The following CCDC159 variants were observed in gnomAD, a reference collection of about 807,000 sequenced individuals.
CCDC159 encodes the protein coiled-coil domain-containing protein 159.
A neutral mutation model predicts 50.9 loss-of-function variants in CCDC159; 40 were observed. The ratio of observed to expected loss-of-function variants is 0.79; its 90% CI spans 0.61 to 1.02. The LOEUF (loss-of-function observed/expected upper bound fraction) is 1.02, where lower values mean the gene tolerates loss of function less well. Among genes scored for constraint, CCDC159 ranks in the 50% least tolerant of loss-of-function variants. The pLI is 0.00. For synonymous variants in CCDC159, 146 were observed against 138.9 expected (o/e 1.05, Z -0.36); for missense variants, 356 against 371.5 (o/e 0.96, Z 0.34).
At chr19:11,349,272 G>A (rs1003004280) in intron 1 of CCDC159, 25 of 948,880 alleles carry the variant, frequency 2.6e-5, no homozygotes, top group Admixed American at 1.4e-4. Flanking sequence ...GGAAGGGGCT[G>A]TAAGGCAGAG....
chr19:11,352,182 TG>T, intron 7 of CCDC159, 49 bp downstream of exon 7: 1 of 1,561,056 alleles, frequency 6.4e-7, no homozygotes. Flanking sequence ...GAGGGAGGGA[TG>T]GGGATTTTGG....
intron 9 of CCDC159, 86 bp from the exon 10 acceptor site, chr19:11,354,494 T>C: frequency 8.2e-7 from 1 of 1,217,314 alleles, no homozygotes; most frequent in Non-Finnish European, 1.1e-6. Context: ...GGTTTAAGTA[T>C]CAATGAGGTA....
chr19:11,351,675 G>T, intron 5 of CCDC159: 1 of 481,806 alleles, frequency 2.1e-6, no homozygotes, highest in Non-Finnish European at 3.7e-6. Flanking sequence ...GGAGGTGGAG[G>T]CCAGGTGATA....
chr19:11,347,906 G>C (rs956405375), intron 1 of CCDC159, among the ~76,000 whole-genome samples: 2 of 152,176 alleles, frequency 1.3e-5, no homozygotes, highest in African/African-American at 4.8e-5. Context: ...GCACGGGTCT[G>C]GGCCCCAATT....
chr19:11,348,769 C>T (rs1967406863), intron 1 of CCDC159: 1 of 520,486 alleles, frequency 1.9e-6, no homozygotes. Flanking sequence ...TTTGGCCGGC[C>T]TACCCCGGGA....
intron 8 of CCDC159, 38 bp from the exon 9 acceptor site, chr19:11,353,754 G>T (rs1267770723): frequency 6.4e-7 from 1 of 1,563,024 alleles, no homozygotes; most frequent in South Asian, 1.2e-5. Flanking sequence ...GAGCAGTGTG[G>T]AGTCTCCCAG....
At chr19:11,352,529 C>T (rs78153179) in intron 7 of CCDC159, 12,529 of 197,268 alleles carry the variant, frequency 0.064, 836 homozygotes, top group African/African-American at 0.18. Flanking sequence ...TGGCTTGAAC[C>T]TAGGAGGCAG....
chr19:11,352,513 G>A (rs1967639830), intron 7 of CCDC159: 1 of 224,376 alleles, frequency 4.5e-6, no homozygotes, highest in Non-Finnish European at 9.0e-6. Context: ...GACTGAGGAT[G>A]GAGAATGGCT....
intron 7 of CCDC159, chr19:11,352,346 T>C: frequency 1.7e-6 from 1 of 572,228 alleles, no homozygotes; most frequent in Non-Finnish European, 3.1e-6. Flanking sequence ...CTGGGCGCGG[T>C]GGCTCACGCC....
chr19:11,353,685 C>T, intron 8 of CCDC159, 107 bp from the exon 9 acceptor site: 9 of 1,548,380 alleles, frequency 5.8e-6, no homozygotes, highest in Non-Finnish European at 7.0e-6. Context: ...ACTTCCCTCA[C>T]CCCCTAGGAC....
intron 5 of CCDC159, 94 bp downstream of exon 5, chr19:11,351,097 C>T: frequency 1.6e-6 from 2 of 1,218,190 alleles, no homozygotes; most frequent in South Asian, 1.6e-5. Flanking sequence ...ATGGCAGATG[C>T]CTGGGGGAGG....
rs754582170 is a variant in CCDC159, at chr19:11,349,647, T to G, written c.22-7T>G. The G allele has an allele frequency of 2.3e-5, 37 of 1,613,192 alleles. No homozygotes were observed. Among genetic ancestry groups the G allele is most frequent in the African/African-American group, 5.3e-5 (4 of 74,894 alleles). ...ATTTCTACTCCCATCTCATCTCTCT[T>G]CCTTAGAAGCCCTTGGAGACCAGCT... On this transcript the variant is annotated splice_polypyrimidine_tract_variant and splice_region_variant and intron_variant, in intron 1 of 10. Coordinates refer to ENST00000458408, the MANE Select transcript of CCDC159 (RefSeq NM_001080503.3).
In CCDC159 at chr19:11,349,570, G is replaced by A. The variant is rs908812275; in HGVS notation, c.22-84G>A. On this transcript the variant is annotated intron_variant, in intron 1 of 10. Coordinates refer to ENST00000458408, the MANE Select transcript of CCDC159 (RefSeq NM_001080503.3). ...CTAGAACTGAGGAGATCCAACTCTT[G>A]TCCAGCCCTCAAAACTGGGTTGAGG... 3.8e-6 allele frequency: 6 copies of A among 1,571,798 alleles called. No homozygotes were observed. The African/African-American group carries it at 6.8e-5, about 18-fold the overall frequency.
chr19:11,350,148 A>C lies in CCDC159; in HGVS notation c.175A>C (p.Met59Leu). The change falls in exon 4 of 11, where the codon ATG becomes CTG. Residue 59 changes from methionine (M) to leucine (L), a missense_variant. Transcript: ENST00000458408. Reference sequence around the variant, plus strand: ...CGAGTTCCTGAACCACTCAGTGACCATGTTGGAGAAGGAGAGCTGCTTGCA... The same window carrying C: ...CGAGTTCCTGAACCACTCAGTGACCCTGTTGGAGAAGGAGAGCTGCTTGCA... ...AFEFLNHSVTMLEKESCLQQI... is the reference protein window; with the variant it reads ...AFEFLNHSVTLLEKESCLQQI... 6.2e-7 allele frequency: 1 copy of C among 1,613,316 alleles called. No individual in the cohort carries two copies. Among genetic ancestry groups the C allele is most frequent in the Non-Finnish European group, 8.5e-7 (1 of 1,179,700 alleles).
chr19:11,353,647 C>G, intron 8 of CCDC159, 75 bp downstream of exon 8: 1 of 1,598,578 alleles, frequency 6.3e-7, no homozygotes, highest in Non-Finnish European at 8.5e-7. Flanking sequence ...GCAGTGACCA[C>G]CAGAACCTGG....
chr19:11,348,739 C>T (rs757641839), intron 1 of CCDC159: 9 of 496,898 alleles, frequency 1.8e-5, no homozygotes, highest in South Asian at 1.3e-4. Context: ...CCCCTGCTTC[C>T]CTACTCACAG....
rs892408132 is a variant in CCDC159 at position 11,349,781 on chromosome 19, G to C, written c.55+94G>C. On this transcript the variant is annotated intron_variant, in intron 2 of 10. Coordinates refer to ENST00000458408, the MANE Select transcript of CCDC159 (RefSeq NM_001080503.3). ...CCAGCATCAGCTGTCCCCCTGCCAT[G>C]GTCACCCATTCACTCCTGCCCAAGG... The C allele has an allele frequency of 1.8e-5, 22 of 1,225,776 alleles. No individual in the cohort carries two copies. In the African/African-American group the frequency reaches 2.8e-4, roughly 16 times the overall value. The allele number at this position is 1,225,776 out of a possible 1,614,324, so 75.9% of individuals were successfully genotyped here.
At chr19:11,353,082 A>G (rs929766219) in intron 7 of CCDC159, among the ~76,000 whole-genome samples, 5 of 151,954 alleles carry the variant, frequency 3.3e-5, no homozygotes, top group Non-Finnish European at 5.9e-5. Context: ...ACCTTTTACT[A>G]TTATCATTAT....
rs996373823 is a variant in CCDC159 at position 11,351,993 on chromosome 19, A to G, written c.490+20A>G. ...AGCTCCGTGAGTTCCTGGAGCCCAC[A>G]GCCGGTGTGTGGGGAGGGGGTCCTT... On this transcript the variant is annotated intron_variant, in intron 6 of 10. Transcript: ENST00000458408. 1.2e-6 allele frequency: 2 copies of G among 1,611,672 alleles called. No individual in the cohort carries two copies. Among genetic ancestry groups the G allele is most frequent in the East Asian group, 2.2e-5 (1 of 44,806 alleles).
Sources: allele counts gnomAD v4.1 joint callset (sites outside exome capture counted in the v4.1 genomes callset), GRCh38; gene constraint gnomAD v4.1.1; transcripts MANE v1.5; gene names NCBI Gene and HGNC (gene_info 2026-07-23, HGNC 2026-07-21).